Variants in CSMD1 observed in about 807,000 individuals in gnomAD.
CSMD1 encodes CUB and sushi domain-containing protein 1.
Under a neutral mutation model 417.5 loss-of-function variants are expected in CSMD1, and 213 were observed. That is an observed-to-expected ratio of 0.51 (90% CI 0.46 to 0.57). The LOEUF (loss-of-function observed/expected upper bound fraction) is 0.57, where lower values mean the gene tolerates loss of function less well. Among genes scored for constraint, CSMD1 ranks in the 20% least tolerant of loss-of-function variants. The probability of loss-of-function intolerance (pLI) is 0.00; values close to 1 mark genes in which losing one functional copy is unlikely to be tolerated. For missense variants in CSMD1, 6,923 were observed against 4,529.7 expected, an observed-to-expected ratio of 1.53 and a Z score of -15.17; for synonymous variants, 2,862 against 1,736.8, an observed-to-expected ratio of 1.65 and a Z score of -16.11.
At chr8:2,949,026 C>T in intron 68 of CSMD1, among the ~76,000 whole-genome samples, 1 of 150,524 alleles carries the variant, frequency 6.6e-6, no homozygotes, top group Non-Finnish European at 1.5e-5. Flanking sequence ...TTTGCTTATA[C>T]TTTGATTTTC....
intron 7 of CSMD1, among the ~76,000 whole-genome samples, chr8:3,661,112 G>C (rs1196032883): frequency 1.3e-5 from 2 of 152,198 alleles, no homozygotes; most frequent in Non-Finnish European, 2.9e-5. Flanking sequence ...ATCTGTTAAA[G>C]CAAACTAAAT....
intron 1 of CSMD1, among the ~76,000 whole-genome samples, chr8:4,647,386 G>C (rs1335834614): frequency 1.8e-4 from 27 of 151,066 alleles, no homozygotes; most frequent in African/African-American, 6.1e-4. Context: ...GTACGCGTGT[G>C]CCACGGAGGT....
intron 15 of CSMD1, among the ~76,000 whole-genome samples, chr8:3,403,622 G>C (rs1236125401): frequency 2.0e-5 from 3 of 152,172 alleles, no homozygotes; most frequent in African/African-American, 7.2e-5. Context: ...TTATGGTAAA[G>C]GACATAAGGC....
chr8:4,648,127 A>G (rs545487792), intron 1 of CSMD1, among the ~76,000 whole-genome samples: 1 of 152,342 alleles, frequency 6.6e-6, no homozygotes, highest in Admixed American at 6.5e-5. Context: ...ATGAGATGGC[A>G]TCTCACTGTG....
At chr8:3,455,507 T>G (rs1816057573) in intron 12 of CSMD1, among the ~76,000 whole-genome samples, 1 of 152,238 alleles carries the variant, frequency 6.6e-6, no homozygotes, top group Admixed American at 6.5e-5. Context: ...ATGTCCTTTC[T>G]GTTTGTTAGT....
At chr8:3,778,797 C>G (rs771781985) in intron 5 of CSMD1, among the ~76,000 whole-genome samples, 2 of 152,118 alleles carry the variant, frequency 1.3e-5, no homozygotes, top group Admixed American at 6.5e-5. Flanking sequence ...TTTCATGCTC[C>G]GAACACTTTT....
At chr8:4,113,801 C>G (rs1244088943) in intron 3 of CSMD1, among the ~76,000 whole-genome samples, 2 of 152,114 alleles carry the variant, frequency 1.3e-5, no homozygotes, top group Non-Finnish European at 2.9e-5. Flanking sequence ...AACACCAAAC[C>G]AGCTACAACA....
chr8:4,805,265 G>T (rs1374181353), intron 1 of CSMD1, among the ~76,000 whole-genome samples: 1 of 152,134 alleles, frequency 6.6e-6, no homozygotes, highest in African/African-American at 2.4e-5. Flanking sequence ...TCTCTTTCAT[G>T]GATGTATTTA....
At chr8:3,292,262 TG>T (rs1316409728) in intron 25 of CSMD1, among the ~76,000 whole-genome samples, 2 of 152,206 alleles carry the variant, frequency 1.3e-5, no homozygotes, top group East Asian at 3.8e-4. Context: ...TGGTCAGTTT[TG>T]GAGTAGGTGT....
chr8:4,049,832 C>G (rs1563056246), intron 3 of CSMD1, among the ~76,000 whole-genome samples: 1 of 152,062 alleles, frequency 6.6e-6, no homozygotes, highest in Non-Finnish European at 1.5e-5. Flanking sequence ...CAATCAGTGA[C>G]CAATATTGGC....
In CSMD1 at chr8:4,934,411, G is replaced by T. The variant is rs550404287; in HGVS notation, c.85+59921C>A. 2.6e-5 allele frequency among the ~76,000 whole-genome samples: 4 copies of T among 152,194 alleles called. No individual in the cohort carries two copies. In the East Asian group the frequency reaches 5.8e-4, roughly 22 times the overall value. ...CCATCAAGAATAATAATTCAGGAAG[G>T]CATTCTATCATTTCATGTAGTTTTG... On this transcript the variant is annotated intron_variant, in intron 1 of 69. Coordinates refer to ENST00000635120, the MANE Select transcript of CSMD1 (RefSeq NM_033225.6).
At chr8:4,862,738 A>T (rs1320352964) in intron 1 of CSMD1, among the ~76,000 whole-genome samples, 2 of 152,098 alleles carry the variant, frequency 1.3e-5, no homozygotes, top group Admixed American at 1.3e-4. Context: ...GGCCGGAAAT[A>T]AAAACACAGT....
At chr8:3,332,357 G>A (rs115260405) in intron 23 of CSMD1, among the ~76,000 whole-genome samples, 1,804 of 152,326 alleles carry the variant, frequency 0.012, 43 homozygotes, top group African/African-American at 0.041. Flanking sequence ...GGGCTTGCCC[G>A]CTCCTCACCC....
rs1811960023 is a variant in CSMD1 at position 3,400,302 on chromosome 8, C to G, written c.2267-773G>C. Among the ~76,000 whole-genome samples, 6 of 152,130 alleles carry G rather than the reference C, an allele frequency of 3.9e-5. No homozygotes were observed. In the South Asian group the frequency reaches 1.2e-3, roughly 32 times the overall value. ...TGTATTCTCTCTCAAAATTATTTGCCATTAGCAATCATCTTTGTGGATTTA... is the reference window on the plus strand; with the variant it reads ...TGTATTCTCTCTCAAAATTATTTGCGATTAGCAATCATCTTTGTGGATTTA... On this transcript the variant is annotated intron_variant, in intron 15 of 69. Coordinates refer to ENST00000635120, the MANE Select transcript of CSMD1 (RefSeq NM_033225.6).
intron 1 of CSMD1, among the ~76,000 whole-genome samples, chr8:4,836,594 G>T (rs1470631298): frequency 3.9e-5 from 6 of 152,192 alleles, no homozygotes; most frequent in Non-Finnish European, 7.3e-5. Context: ...TGATTAGTAT[G>T]CAGTACAAGC....
chr8:3,938,320 T>C (rs922840670), intron 5 of CSMD1, among the ~76,000 whole-genome samples: 18 of 152,092 alleles, frequency 1.2e-4, no homozygotes, highest in African/African-American at 4.3e-4. Context: ...AATTTGTGTT[T>C]TGGAAGAAAA....
At chr8:3,372,490 A>G (rs982569325) in intron 18 of CSMD1, among the ~76,000 whole-genome samples, 1 of 152,184 alleles carries the variant, frequency 6.6e-6, no homozygotes, top group Admixed American at 6.5e-5. Flanking sequence ...AGGACCCCGA[A>G]CCAGGGCATT....
chr8:3,204,384 G>A (rs1399894537), intron 31 of CSMD1, among the ~76,000 whole-genome samples: 1 of 144,278 alleles, frequency 6.9e-6, no homozygotes, highest in African/African-American at 2.6e-5. Context: ...GGGGAATACT[G>A]CTGAGCATTT....
chr8:4,292,396 G>T (rs1370597742), intron 3 of CSMD1, among the ~76,000 whole-genome samples: 1 of 151,988 alleles, frequency 6.6e-6, no homozygotes, highest in Non-Finnish European at 1.5e-5. Context: ...GGGACTACAG[G>T]TGCCCGCCAC....
Sources: gnomAD v4.1 joint callset for allele counts (sites outside exome capture counted in the v4.1 genomes callset) on GRCh38, gnomAD v4.1.1 for gene constraint, MANE v1.5 for transcripts, NCBI Gene and HGNC (gene_info 2026-07-23, HGNC 2026-07-21) for gene names.